RGS12: variants seen among roughly 807,000 people sequenced by gnomAD.
RGS12 encodes regulator of G-protein signaling 12.
Under a neutral mutation model 120.1 loss-of-function variants are expected in RGS12, and 66 were observed. That is an observed-to-expected ratio of 0.55 (90% confidence interval 0.45 to 0.67). The LOEUF (loss-of-function observed/expected upper bound fraction) is 0.67. Ranked by LOEUF, RGS12 falls within the 30% of genes least tolerant of loss-of-function variation. RGS12 has a pLI of 0.00. For missense variants in RGS12, 1,859 were observed against 1,957.7 expected (o/e 0.95, Z 0.95); for synonymous variants, 827 against 804.7 (o/e 1.03, Z -0.47).
In RGS12 at chr4:3,439,627, C is replaced by G; in HGVS notation, c.4287C>G (p.Pro1429=). Residue 1429 remains proline (P), a synonymous_variant, in exon 18 of 18, where the codon CCC becomes CCG. Transcript: ENST00000336727. ...PPTSDLPGLG[P]VPGEPAKPKT... ...CATCAGACCTCCCTGGCTTGGGCCC[C>G]GTCCCGGGTGAGCCTGCTAAGCCCA... is the stretch of plus-strand genomic sequence containing the variant. 4 of 1,597,498 alleles carry G rather than the reference C, an allele frequency of 2.5e-6. No homozygotes were observed. Among genetic ancestry groups the G allele is most frequent in the Non-Finnish European group, 3.4e-6 (4 of 1,171,832 alleles).
intron 16 of RGS12, among the ~76,000 whole-genome samples, chr4:3,429,981 G>A (rs115811123): frequency 6.6e-6 from 1 of 152,204 alleles, no homozygotes; most frequent in Non-Finnish European, 1.5e-5. Context: ...TGCAGCTGCA[G>A]CTGGGACCCG....
At chr4:3,439,103 G>A (rs1032643736) in intron 17 of RGS12, among the ~76,000 whole-genome samples, 1 of 151,886 alleles carries the variant, frequency 6.6e-6, no homozygotes, top group African/African-American at 2.4e-5. Flanking sequence ...GGCCCCTGAG[G>A]ACGCCCCCAG....
rs1174602175 is a variant in RGS12, at chr4:3,366,490, C to G, written c.1999-19926C>G. Among the ~76,000 whole-genome samples, 2 of 152,200 alleles carry G rather than the reference C, an allele frequency of 1.3e-5. No homozygotes were observed. Among genetic ancestry groups the G allele is most frequent in the African/African-American group, 4.8e-5 (2 of 41,458 alleles). ...AGAGGCGCTCCTCCAGTTCCCGCCT[C>G]TCTGCCTCGCACGCCCTCCTAGCTG... On this transcript the variant is annotated intron_variant, in intron 3 of 17. Transcript: ENST00000336727. The surrounding 1 kb of genome is among the most constrained non-coding windows in gnomAD (Gnocchi z 4.0).
chr4:3,439,342 A>AT (rs1282517331), intron 17 of RGS12, 113 bp from the exon 18 acceptor site: 6 of 1,071,894 alleles, frequency 5.6e-6, no homozygotes, highest in Non-Finnish European at 7.1e-6. Flanking sequence ...TGTTTGGGAT[A>AT]TTTCAGGGAC....
rs142782680 is a variant in RGS12, at chr4:3,370,680, A to T, written c.1999-15736A>T. Among the ~76,000 whole-genome samples, 1,235 of 152,394 alleles carry T rather than the reference A, an allele frequency of 8.1e-3. 7 individuals carry two copies. Among genetic ancestry groups the T allele is most frequent in the Middle Eastern group, 0.017 (5 of 294 alleles). On this transcript the variant is annotated intron_variant, in intron 3 of 17. Coordinates refer to ENST00000336727, the MANE Select transcript of RGS12 (RefSeq NM_001394154.1). ...GTGAGTGAATTGATTTTGTTGAAAT[A>T]TTAATTTTAGGCTAGATAAATACAT...
At chr4:3,341,888 C>A (rs1357248187) in intron 2 of RGS12, among the ~76,000 whole-genome samples, 1 of 146,416 alleles carries the variant, frequency 6.8e-6, no homozygotes, top group African/African-American at 2.6e-5. Flanking sequence ...TGGTGTGGGG[C>A]TGGGCCGTGA....
At chr4:3,391,672 G>T (rs1465456528) in intron 4 of RGS12, among the ~76,000 whole-genome samples, 1 of 152,194 alleles carries the variant, frequency 6.6e-6, no homozygotes, top group African/African-American at 2.4e-5. Flanking sequence ...GAGAAGCAGT[G>T]TCCGCCCTGT....
At chr4:3,428,980 C>T (rs1012062677) in intron 16 of RGS12, among the ~76,000 whole-genome samples, 47 of 152,364 alleles carry the variant, frequency 3.1e-4, no homozygotes, top group African/African-American at 9.4e-4. Flanking sequence ...CAGAGGCCCC[C>T]GCAGGCTCTG....
At chr4:3,430,288 C>A in intron 16 of RGS12, 119 bp from the exon 17 acceptor site, 1 of 883,596 alleles carries the variant, frequency 1.1e-6, no homozygotes, top group Non-Finnish European at 1.8e-6. Flanking sequence ...CTCTTGTTGA[C>A]CCACAGCTGA....
intron 2 of RGS12, among the ~76,000 whole-genome samples, chr4:3,327,513 T>C (rs1368026284): frequency 2.0e-5 from 3 of 152,172 alleles, no homozygotes; most frequent in Non-Finnish European, 4.4e-5. Context: ...GAAGAAAGTA[T>C]TTCCAAAATA....
chr4:3,334,005 G>C lies in RGS12; in HGVS notation c.1882-8932G>C, dbSNP rs545468008. ...CATCTTTAATTAAATTTATTCTCTA[G>C]CTAGATTTATTTCTTGGTACCTTAT... On this transcript the variant is annotated intron_variant, in intron 2 of 17. Transcript: ENST00000336727. Among the ~76,000 whole-genome samples the C allele has an allele frequency of 3.9e-5, 6 of 152,058 alleles. No homozygotes were observed. In the South Asian group the frequency reaches 6.2e-4, roughly 16 times the overall value.
intron 2 of RGS12, among the ~76,000 whole-genome samples, chr4:3,332,141 G>C (rs764281107): frequency 1.7e-4 from 26 of 152,214 alleles, no homozygotes; most frequent in Non-Finnish European, 3.4e-4. Context: ...AAGGGGCAGA[G>C]ACCAGTGTGG....
chr4:3,301,340 A>T (rs1289535496), intron 1 of RGS12, among the ~76,000 whole-genome samples: 1 of 152,238 alleles, frequency 6.6e-6, no homozygotes, highest in African/African-American at 2.4e-5. Flanking sequence ...AGAGTGGATA[A>T]GATACTAAAA....
intron 3 of RGS12, among the ~76,000 whole-genome samples, chr4:3,380,782 A>G (rs1718180476): frequency 1.3e-5 from 2 of 152,210 alleles, no homozygotes; most frequent in South Asian, 2.1e-4. Context: ...CCTTGGGTCC[A>G]GCCCAGGAAA....
chr4:3,421,653 G>A lies in RGS12; in HGVS notation c.2839-723G>A, dbSNP rs570748166. 2.0e-3 allele frequency among the ~76,000 whole-genome samples: 311 copies of A among 152,338 alleles called. 1 individual carries two copies. Among genetic ancestry groups the A allele is most frequent in the Admixed American group, 4.0e-3 (61 of 15,304 alleles). ...GGACCCTTCGTTCGCCTCACTCAGC[G>A]GAGGCCAGTTCACCCCGTCCCACAG... On this transcript the variant is annotated intron_variant, in intron 10 of 17. Coordinates refer to ENST00000336727, the MANE Select transcript of RGS12 (RefSeq NM_001394154.1).
chr4:3,359,761 A>G (rs999767018), intron 3 of RGS12, among the ~76,000 whole-genome samples: 2 of 150,700 alleles, frequency 1.3e-5, no homozygotes, highest in African/African-American at 2.4e-5. Flanking sequence ...TAGCTGGGAG[A>G]ACAGGTGTGT....
At chr4:3,386,759 G>C (rs1477223018) in intron 4 of RGS12, among the ~76,000 whole-genome samples, 1 of 152,204 alleles carries the variant, frequency 6.6e-6, no homozygotes, top group Non-Finnish European at 1.5e-5. Context: ...CTCTTCCCTT[G>C]TTGTATAACC....
At chr4:3,371,898 C>T (rs111346288) in intron 3 of RGS12, among the ~76,000 whole-genome samples, 1 of 152,108 alleles carries the variant, frequency 6.6e-6, no homozygotes, top group Non-Finnish European at 1.5e-5. Context: ...GGGAGGATGC[C>T]CCCGCCTTTC....
chr4:3,357,868 G>A (rs1025242170), intron 3 of RGS12, among the ~76,000 whole-genome samples: 2 of 152,076 alleles, frequency 1.3e-5, no homozygotes, highest in African/African-American at 4.8e-5. Context: ...ATTTTAGGAT[G>A]GGTTTTTCTA....
Sources: gnomAD v4.1 joint callset for allele counts (sites outside exome capture counted in the v4.1 genomes callset) on GRCh38, gnomAD v4.1.1 for gene constraint, Gnocchi (gnomAD v3.1) non-coding constraint, MANE v1.5 for transcripts, NCBI Gene and HGNC (gene_info 2026-07-23, HGNC 2026-07-21) for gene names.